Variants in CHST8 observed in about 807,000 individuals in gnomAD.
The protein encoded by CHST8 is carbohydrate sulfotransferase 8.
In CHST8, 10 loss-of-function variants were observed where a neutral mutation model predicts 15.0. The observed-to-expected ratio is 0.67, with a 90% CI of 0.41 to 1.13. CHST8 has a LOEUF of 1.13. Among genes scored for constraint, CHST8 ranks in the 50% most tolerant of loss-of-function variants. CHST8 has a pLI of 0.00. For missense variants in CHST8, 634 were observed against 608.2 expected, an observed-to-expected ratio of 1.04 and a Z score of -0.45; for synonymous variants, 259 against 256.6, an observed-to-expected ratio of 1.01 and a Z score of -0.09.
intron 3 of CHST8, among the ~76,000 whole-genome samples, chr19:33,741,975 T>C (rs1385250467): frequency 1.3e-5 from 2 of 152,110 alleles, no homozygotes; most frequent in African/African-American, 4.8e-5. Flanking sequence ...GGGTCATTTA[T>C]TACCTGGTAC....
At chr19:33,639,799 T>C (rs1211140818) in intron 1 of CHST8, among the ~76,000 whole-genome samples, 1 of 151,802 alleles carries the variant, frequency 6.6e-6, no homozygotes, top group Non-Finnish European at 1.5e-5. Flanking sequence ...GATTCTAAAA[T>C]CAGGGGTCCT....
chr19:33,662,636 T>C (rs1568318770), intron 1 of CHST8, among the ~76,000 whole-genome samples: 2 of 152,030 alleles, frequency 1.3e-5, no homozygotes, highest in Admixed American at 6.5e-5. Flanking sequence ...TGAGGGTTCC[T>C]GGAACAAACG....
chr19:33,771,320 C>G, intron 3 of CHST8, 93 bp from the exon 4 acceptor site: 2 of 1,270,628 alleles, frequency 1.6e-6, no homozygotes, highest in Non-Finnish European at 2.3e-6. Flanking sequence ...ATCCCTCCAG[C>G]CTGGATGTCC....
intron 2 of CHST8, among the ~76,000 whole-genome samples, chr19:33,679,782 G>C (rs1972860837): frequency 6.6e-6 from 1 of 152,212 alleles, no homozygotes; most frequent in African/African-American, 2.4e-5. Context: ...AAAACAGAGT[G>C]GTGGGCTTGG....
intron 3 of CHST8, among the ~76,000 whole-genome samples, chr19:33,735,936 G>A (rs979577038): frequency 1.2e-4 from 19 of 152,214 alleles, no homozygotes; most frequent in East Asian, 9.7e-4. Flanking sequence ...TTAAAGATGT[G>A]TATTTTCTAA....
chr19:33,741,628 G>A lies in CHST8; in HGVS notation c.131-29785G>A, dbSNP rs73926599. Among the ~76,000 whole-genome samples, 1,247 of 152,204 alleles carry A rather than the reference G, an allele frequency of 8.2e-3. 17 individuals carry two copies. The highest frequency in any genetic ancestry group is 0.029 in the African/African-American group (1,192 of 41,516). On this transcript the variant is annotated intron_variant, in intron 3 of 4. Transcript: ENST00000650847. ...GACTTGCGTGTCTTTTGTAGGACTG[G>A]ACTGGTGAAATTCCATGGTGATTTG... is the stretch of plus-strand genomic sequence containing the variant.
chr19:33,705,788 G>A (rs903708841), intron 3 of CHST8, among the ~76,000 whole-genome samples: 3 of 152,252 alleles, frequency 2.0e-5, no homozygotes, highest in South Asian at 2.1e-4. Flanking sequence ...CCCAGCAAGG[G>A]ACTCTGCAGA....
intron 3 of CHST8, among the ~76,000 whole-genome samples, chr19:33,737,273 T>C (rs1265927126): frequency 6.6e-6 from 1 of 152,248 alleles, no homozygotes; most frequent in Non-Finnish European, 1.5e-5. Context: ...GTTTTCACTT[T>C]GCTCTGTCAG....
chr19:33,713,325 G>A (rs543202903), intron 3 of CHST8, among the ~76,000 whole-genome samples: 2 of 152,178 alleles, frequency 1.3e-5, no homozygotes, highest in South Asian at 4.2e-4. Context: ...TCCCCTGGTA[G>A]GCCACCATCA....
At chr19:33,710,442 C>T (rs1973526558) in intron 3 of CHST8, among the ~76,000 whole-genome samples, 1 of 151,714 alleles carries the variant, frequency 6.6e-6, no homozygotes, top group Admixed American at 6.6e-5. Context: ...CTAGTTTGTT[C>T]TTCTTTTTTC....
chr19:33,685,029 C>T (rs985122915), intron 2 of CHST8: 3 of 152,228 alleles, frequency 2.0e-5, no homozygotes, highest in African/African-American at 7.2e-5. Flanking sequence ...GTCCGCTGAC[C>T]ACGTGGGTGC....
intron 3 of CHST8, among the ~76,000 whole-genome samples, chr19:33,769,727 G>T (rs1974931253): frequency 1.3e-5 from 2 of 152,094 alleles, no homozygotes; most frequent in African/African-American, 4.8e-5. Flanking sequence ...ACACCCTGAA[G>T]GGTGCAGCCA....
intron 3 of CHST8, among the ~76,000 whole-genome samples, chr19:33,730,445 G>A (rs206042): frequency 0.46 from 69,713 of 152,082 alleles, 16,789 homozygotes; most frequent in East Asian, 0.89. Flanking sequence ...ACCACGCTAA[G>A]CTCATTCTTT....
chr19:33,681,469 T>C (rs958001334), intron 2 of CHST8, among the ~76,000 whole-genome samples: 1 of 152,140 alleles, frequency 6.6e-6, no homozygotes, highest in African/African-American at 2.4e-5. Context: ...AGTGTAGAAC[T>C]CTGGGGCACA....
chr19:33,735,713 G>C (rs979495013), intron 3 of CHST8, among the ~76,000 whole-genome samples: 2 of 152,244 alleles, frequency 1.3e-5, no homozygotes, highest in African/African-American at 4.8e-5. Context: ...TGTAATCCCA[G>C]CTACTTGAGA....
At chr19:33,756,796 C>T (rs1053233093) in intron 3 of CHST8, among the ~76,000 whole-genome samples, 1 of 152,218 alleles carries the variant, frequency 6.6e-6, no homozygotes, top group Non-Finnish European at 1.5e-5. Flanking sequence ...CCAGTCACCT[C>T]CAGAATGACT....
chr19:33,757,709 C>T (rs960100731), intron 3 of CHST8, among the ~76,000 whole-genome samples: 2 of 151,836 alleles, frequency 1.3e-5, no homozygotes, highest in South Asian at 2.1e-4. Context: ...GGCATCCATA[C>T]TCAGGTTTGG....
chr19:33,711,382 G>GT (rs1973546344), intron 3 of CHST8, among the ~76,000 whole-genome samples: 1 of 152,246 alleles, frequency 6.6e-6, no homozygotes, highest in Admixed American at 6.5e-5. Flanking sequence ...CCCTCAGAAG[G>GT]TATCAGAACC....
intron 1 of CHST8, among the ~76,000 whole-genome samples, chr19:33,641,029 G>A (rs1972277142): frequency 6.6e-6 from 1 of 152,110 alleles, no homozygotes; most frequent in Non-Finnish European, 1.5e-5. Flanking sequence ...TCTCCATTTG[G>A]GACTGCCCTG....
Sources: allele counts gnomAD v4.1 joint callset (sites outside exome capture counted in the v4.1 genomes callset), GRCh38; gene constraint gnomAD v4.1.1; transcripts MANE v1.5; gene names NCBI Gene and HGNC (gene_info 2026-07-23, HGNC 2026-07-21).